The following CXADR variants were observed in gnomAD, a reference collection of about 807,000 sequenced individuals.
CXADR encodes the protein coxsackievirus and adenovirus receptor.
Under a neutral mutation model 40.3 loss-of-function variants are expected in CXADR, and 20 were observed. The ratio of observed to expected loss-of-function variants is 0.50; its 90% CI spans 0.35 to 0.72. CXADR has a LOEUF of 0.72. Among genes scored for constraint, CXADR ranks in the 30% least tolerant of loss-of-function variants. The probability of loss-of-function intolerance (pLI) is 0.01; values close to 1 mark genes in which losing one functional copy is unlikely to be tolerated. For missense variants in CXADR, 332 were observed against 449.1 expected, an observed-to-expected ratio of 0.74 and a Z score of 2.36; for synonymous variants, 150 against 161.3, an observed-to-expected ratio of 0.93 and a Z score of 0.53.
At chr21:17,523,245 A>C (rs147186649) in intron 1 of CXADR, among the ~76,000 whole-genome samples, 39 of 152,312 alleles carry the variant, frequency 2.6e-4, no homozygotes, top group African/African-American at 8.4e-4. Context: ...CACTGTTTAC[A>C]TTGTATTCCC....
intron 1 of CXADR, among the ~76,000 whole-genome samples, chr21:17,542,810 A>C (rs1380013414): frequency 1.3e-5 from 2 of 152,226 alleles, no homozygotes; most frequent in Admixed American, 1.3e-4. Flanking sequence ...TTAAATTGTT[A>C]ATCTACTTGC....
chr21:17,577,858 A>G (rs370270607), intron 7 of CXADR, among the ~76,000 whole-genome samples: 3 of 151,730 alleles, frequency 2.0e-5, no homozygotes, highest in Admixed American at 2.0e-4. Context: ...TCTGCTTTCT[A>G]TTTTATATAC....
Position 17,567,883 on chromosome 21 carries a change from T to G in CXADR, c.*2191T>G, listed in dbSNP as rs1049987904. The G allele has an allele frequency of 2.1e-5, 20 of 971,144 alleles. No homozygotes were observed. Among genetic ancestry groups the G allele is most frequent in the Non-Finnish European group, 2.4e-5 (20 of 817,716 alleles). 60.2% of individuals were successfully genotyped at this position (971,144 alleles called of 1,614,324 possible). On this transcript the variant is annotated 3_prime_UTR_variant, in exon 7 of 7. Coordinates refer to ENST00000284878, the MANE Select transcript of CXADR (RefSeq NM_001338.5). The stretch of plus-strand genomic sequence containing the variant: ...CTTCCTTTTTTTTTTTAATAACATA[T>G]GAGGAACAAGACTTCTCTTCCCATA...
intron 1 of CXADR, among the ~76,000 whole-genome samples, chr21:17,544,256 G>A (rs1461276676): frequency 6.6e-6 from 1 of 152,102 alleles, no homozygotes; most frequent in Non-Finnish European, 1.5e-5. Context: ...GTGTATTTAG[G>A]TTACACATTT....
chr21:17,563,708 G>A (rs1393794382), intron 6 of CXADR, among the ~76,000 whole-genome samples: 1 of 151,918 alleles, frequency 6.6e-6, no homozygotes, highest in Non-Finnish European at 1.5e-5. Flanking sequence ...TAGGGAGGCC[G>A]ATATGGGTGG....
At chr21:17,590,063 AT>A (rs2061424252) in intron 7 of CXADR, among the ~76,000 whole-genome samples, 1 of 152,074 alleles carries the variant, frequency 6.6e-6, no homozygotes, top group Non-Finnish European at 1.5e-5. Flanking sequence ...CTATGGATTT[AT>A]ATTTTATAAA....
downstream of CXADR, among the ~76,000 whole-genome samples, chr21:17,596,647 A>G (rs2061507777): frequency 6.6e-6 from 1 of 152,026 alleles, no homozygotes; most frequent in African/African-American, 2.4e-5. Context: ...CCATCAATAT[A>G]TTTGTATGTT....
chr21:17,624,826 A>G, the CXADR span, among the ~76,000 whole-genome samples: 1 of 152,056 alleles, frequency 6.6e-6, no homozygotes, highest in Admixed American at 6.6e-5. Flanking sequence ...GCTACCTGGA[A>G]TATTGTTCCC....
In CXADR at chr21:17,569,592, C is replaced by A; in HGVS notation, c.*3900C>A. 1 of 985,104 alleles carries A rather than the reference C, an allele frequency of 1.0e-6. No individual in the cohort carries two copies. Among genetic ancestry groups the A allele is most frequent in the Non-Finnish European group, 1.2e-6 (1 of 829,728 alleles). The allele number at this position is 985,104 out of a possible 1,614,324, so 61.0% of individuals were successfully genotyped here. On this transcript the variant is annotated 3_prime_UTR_variant, in exon 7 of 7. Coordinates refer to ENST00000284878, the MANE Select transcript of CXADR (RefSeq NM_001338.5). ...TATAGAAGCAGGGAAGAATAATAAA[C>A]ACATTTGTGAATTGTGGTTCAGTTT... is the stretch of plus-strand genomic sequence containing the variant.
downstream of CXADR, among the ~76,000 whole-genome samples, chr21:17,595,117 C>T (rs1223014949): frequency 2.6e-5 from 4 of 151,910 alleles, no homozygotes; most frequent in African/African-American, 9.7e-5. Context: ...CCAGGTGATT[C>T]TGATGTAGCC....
At chr21:17,539,803 A>G (rs1166898345) in intron 1 of CXADR, among the ~76,000 whole-genome samples, 2 of 152,092 alleles carry the variant, frequency 1.3e-5, no homozygotes, top group African/African-American at 2.4e-5. Flanking sequence ...CATTTTGCGA[A>G]TTCCCAATAT....
In CXADR at chr21:17,568,798, A is replaced by C. The variant is rs1183922442; in HGVS notation, c.*3106A>C. 3 of 984,850 alleles carry C rather than the reference A, an allele frequency of 3.0e-6. No individual in the cohort carries two copies. The highest frequency in any genetic ancestry group is 2.4e-6 in the Non-Finnish European group (2 of 829,818). 61.0% of individuals were successfully genotyped at this position (984,850 alleles called of 1,614,324 possible). A position where few individuals can be genotyped will look rare whatever the true frequency, so the allele number is the denominator to read the frequency against. ...GAGAGCCTCTCACTCCCCCACCCCC[A>C]AAAATGTCTACTATTCATGACAGTA... On this transcript the variant is annotated 3_prime_UTR_variant, in exon 7 of 7. Coordinates refer to ENST00000284878, the MANE Select transcript of CXADR (RefSeq NM_001338.5).
chr21:17,616,364 C>G, the CXADR span, among the ~76,000 whole-genome samples: 2 of 123,084 alleles, frequency 1.6e-5, no homozygotes, highest in East Asian at 2.5e-4. Context: ...GAGACAGAGT[C>G]TTTCTCTGTT....
chr21:17,618,599 A>T, the CXADR span, among the ~76,000 whole-genome samples: 2 of 152,004 alleles, frequency 1.3e-5, no homozygotes, highest in African/African-American at 2.4e-5. Context: ...GTGCAATGAC[A>T]CAATCTTGGC....
chr21:17,515,607 C>T (rs1187697617), intron 1 of CXADR, among the ~76,000 whole-genome samples: 2 of 152,104 alleles, frequency 1.3e-5, no homozygotes, highest in African/African-American at 4.8e-5. Flanking sequence ...GTTAGGAGAT[C>T]GAGACCATCC....
chr21:17,627,682 T>C, the CXADR span, among the ~76,000 whole-genome samples: 3 of 152,138 alleles, frequency 2.0e-5, no homozygotes, highest in African/African-American at 7.2e-5. Flanking sequence ...GGAGTAGATA[T>C]TAGAGAGCTG....
At chr21:17,623,467 C>T in the CXADR span, among the ~76,000 whole-genome samples, 1 of 152,082 alleles carries the variant, frequency 6.6e-6, no homozygotes. Flanking sequence ...AATTAAGCCC[C>T]GAGGCAGCAT....
intron 1 of CXADR, among the ~76,000 whole-genome samples, chr21:17,537,026 G>A (rs1030107304): frequency 2.0e-5 from 3 of 152,198 alleles, no homozygotes; most frequent in Non-Finnish European, 4.4e-5. Context: ...CCAAAGTGCT[G>A]GGATTACAGG....
the CXADR span, among the ~76,000 whole-genome samples, chr21:17,631,702 C>G: frequency 6.6e-6 from 1 of 152,146 alleles, no homozygotes; most frequent in Admixed American, 6.5e-5. Context: ...TATATTCACT[C>G]TTGGTATTGC....
Sources: allele counts gnomAD v4.1 joint callset (sites outside exome capture counted in the v4.1 genomes callset), GRCh38; gene constraint gnomAD v4.1.1; transcripts MANE v1.5; gene names NCBI Gene and HGNC (gene_info 2026-07-23, HGNC 2026-07-21).